The following ALDH4A1 variants were observed in gnomAD, a reference collection of about 807,000 sequenced individuals.
ALDH4A1 encodes delta-1-pyrroline-5-carboxylate dehydrogenase, mitochondrial.
In ALDH4A1, 46 loss-of-function variants were observed where a neutral mutation model predicts 70.5. That is an observed-to-expected ratio of 0.65 (90% confidence interval 0.51 to 0.83). ALDH4A1 has a LOEUF of 0.83. ALDH4A1 is among the 40% of genes least tolerant of loss of function. The pLI is 0.00. For missense variants in ALDH4A1, 749 were observed against 766.5 expected (o/e 0.98, Z 0.27); for synonymous variants, 323 against 324.3 (o/e 1.00, Z 0.04).
chr1:18,885,441 G>A (rs188233802), intron 5 of ALDH4A1, 32 bp downstream of exon 5: 4,740 of 441,940 alleles, frequency 0.011, 13 homozygotes, highest in Non-Finnish European at 0.014. Flanking sequence ...ACCCCACCCC[G>A]CCCCACCCAC....
Position 18,877,604 on chromosome 1 carries a change from C to T in ALDH4A1, c.949G>A (p.Gly317Arg). 1 of 1,609,238 alleles carries T rather than the reference C, an allele frequency of 6.2e-7. No homozygotes were observed. The change falls in exon 10 of 15, where the codon GGA (glycine) becomes AGA (arginine). Residue 317 changes from glycine (G) to arginine (R), a missense_variant. Transcript: ENST00000375341. Reference protein sequence around the residue: ...TFPRLAGECGGKNFHFVHRSA... With the variant: ...TFPRLAGECGRKNFHFVHRSA... ...CGGTGCACGAAGTGGAAGTTCTTTC[C>T]GCCGCACTCTACAGGGGTCGGGGGT...
intron 7 of ALDH4A1, among the ~76,000 whole-genome samples, chr1:18,882,288 G>C (rs1288777997): frequency 6.6e-6 from 1 of 151,936 alleles, no homozygotes; most frequent in East Asian, 1.9e-4. Context: ...GTGGGCGCCT[G>C]GCCATGCACC....
In ALDH4A1 at chr1:18,889,273, A is replaced by AC. The variant is rs1935339376; in HGVS notation, c.249+88_249+89insG. On this transcript the variant is annotated intron_variant, in intron 3 of 14. Transcript: ENST00000375341. ...GGCACTATAAAGGCCTTGAAGTCAG[A>AC]GCCCACACATTATAAGCTTACGAGC... The AC allele has an allele frequency of 3.2e-6, 4 of 1,232,726 alleles. No individual in the cohort carries two copies. The East Asian group carries it at 7.8e-5, about 24-fold the overall frequency. 76.4% of individuals were successfully genotyped at this position (1,232,726 alleles called of 1,614,324 possible).
chr1:18,884,150 T>C (rs1935100086), intron 5 of ALDH4A1, among the ~76,000 whole-genome samples: 1 of 152,210 alleles, frequency 6.6e-6, no homozygotes, highest in Non-Finnish European at 1.5e-5. Flanking sequence ...TTCCTGAGTC[T>C]TAGGCCAAAT....
intron 1 of ALDH4A1, among the ~76,000 whole-genome samples, chr1:18,897,368 C>A (rs1451953651): frequency 1.3e-5 from 2 of 152,156 alleles, no homozygotes; most frequent in Non-Finnish European, 2.9e-5. Context: ...CATGGCAAAA[C>A]CCCATCTCTA....
In ALDH4A1 at chr1:18,872,664, T is replaced by A; in HGVS notation, c.*181A>T. On this transcript the variant is annotated 3_prime_UTR_variant, in exon 15 of 15. Transcript: ENST00000375341. ...GTGGCCATGTTCCTCCCCAGCACGA[T>A]CTCAAACCAGAGCCTGAGGCATGGG... 1 of 591,288 alleles carries A rather than the reference T, an allele frequency of 1.7e-6. No homozygotes were observed. The allele number at this position is 591,288 out of a possible 1,614,324, so 36.6% of individuals were successfully genotyped here. A position where few individuals can be genotyped will look rare whatever the true frequency, so the allele number is the denominator to read the frequency against.
intron 1 of ALDH4A1, among the ~76,000 whole-genome samples, chr1:18,899,512 G>T (rs1275189599): frequency 2.0e-5 from 3 of 152,190 alleles, no homozygotes; most frequent in African/African-American, 7.2e-5. Context: ...AGAGAACTGA[G>T]GATACTGATG....
chr1:18,879,462 G>T, intron 8 of ALDH4A1, 89 bp from the exon 9 acceptor site: 1 of 1,206,038 alleles, frequency 8.3e-7, no homozygotes, highest in Non-Finnish European at 1.2e-6. Context: ...GCCGGGGGCA[G>T]CCCAGCAGGA....
intron 5 of ALDH4A1, among the ~76,000 whole-genome samples, chr1:18,884,816 G>A (rs1052439664): frequency 5.9e-5 from 9 of 152,206 alleles, no homozygotes; most frequent in Non-Finnish European, 1.3e-4. Context: ...CACGGAGGGG[G>A]TGACATCTGG....
rs866710153 is a variant in ALDH4A1 at position 18,875,475 on chromosome 1, T to C, written c.1367A>G (p.Tyr456Cys). ...CTTGTACTTGTCATCCGGGTAGACGTACACAGACAGTACAGGCCCGAAGAT... is the reference window on the plus strand; with the variant it reads ...CTTGTACTTGTCATCCGGGTAGACGCACACAGACAGTACAGGCCCGAAGAT... ...EEIFGPVLSV[Y>C]VYPDDKYKET... The change falls in exon 13 of 15, where the codon TAC becomes TGC. Residue 456 changes from tyrosine (Y) to cysteine (C), a missense_variant. By Grantham distance (194) the Tyr-to-Cys change is radical (BLOSUM62 -2). Transcript: ENST00000375341. 2 of 1,614,032 alleles carry C rather than the reference T, an allele frequency of 1.2e-6. No homozygotes were observed. The highest frequency in any genetic ancestry group is 1.7e-5 in the Admixed American group (1 of 60,022).
intron 5 of ALDH4A1, 39 bp downstream of exon 5, chr1:18,885,431 ACCC>A: frequency 2.1e-6 from 1 of 478,978 alleles, no homozygotes; most frequent in South Asian, 2.3e-5. Context: ...CCTGACTCCC[ACCC>A]CACCCCGCCC....
chr1:18,881,597 C>T (rs113928587), intron 8 of ALDH4A1, 103 bp downstream of exon 8: 23 of 1,297,844 alleles, frequency 1.8e-5, no homozygotes, highest in African/African-American at 1.5e-4. Context: ...GAGTAGAGTC[C>T]GTGCATGACC....
Position 18,877,268 on chromosome 1 carries a change from G to A in ALDH4A1, c.1138-13C>T, listed in dbSNP as rs753784956. The A allele has an allele frequency of 1.9e-6, 3 of 1,601,496 alleles. No homozygotes were observed. The highest frequency in any genetic ancestry group is 2.6e-6 in the Non-Finnish European group (3 of 1,173,536). On this transcript the variant is annotated splice_polypyrimidine_tract_variant and intron_variant, in intron 10 of 14. Transcript: ENST00000375341. ...AATCCTCTGCAGGCTGGAGGCAAGG[G>A]AGGCGCCAGAAGAGACGAGTCACTG...
intron 1 of ALDH4A1, among the ~76,000 whole-genome samples, chr1:18,899,089 G>GAGGT (rs1379752968): frequency 6.6e-6 from 1 of 152,190 alleles, no homozygotes; most frequent in Non-Finnish European, 1.5e-5. Context: ...ACAAAGCACT[G>GAGGT]GATGGGCTCA....
At chr1:18,872,987 G>A (rs1484328806) in intron 14 of ALDH4A1, 30 bp from the exon 15 acceptor site, 5 of 1,578,640 alleles carry the variant, frequency 3.2e-6, no homozygotes, top group Non-Finnish European at 4.3e-6. Context: ...GTTTTTCTCT[G>A]AAAAGATGCA....
At chr1:18,885,427 T>TGCCA in intron 5 of ALDH4A1, 46 bp downstream of exon 5, 1 of 650,922 alleles carries the variant, frequency 1.5e-6, no homozygotes, top group Admixed American at 2.3e-5. Flanking sequence ...CACACCTGAC[T>TGCCA]CCCACCCCAC....
intron 1 of ALDH4A1, among the ~76,000 whole-genome samples, chr1:18,902,136 T>C (rs1935820907): frequency 6.6e-6 from 1 of 151,872 alleles, no homozygotes; most frequent in African/African-American, 2.4e-5. Flanking sequence ...GATCCAGTAT[T>C]AGGAGTGAGG....
At chr1:18,882,480 G>A (rs1340965593) in intron 7 of ALDH4A1, 10 of 493,492 alleles carry the variant, frequency 2.0e-5, no homozygotes. Context: ...ACTTCATCCA[G>A]TAATAGCCAA....
At chr1:18,886,378 C>T in intron 4 of ALDH4A1, 86 bp downstream of exon 4, 1 of 1,491,956 alleles carries the variant, frequency 6.7e-7, no homozygotes, top group South Asian at 1.1e-5. Flanking sequence ...ACTGATGCCC[C>T]CTGCCCCCGC....
Sources: allele counts gnomAD v4.1 joint callset (sites outside exome capture counted in the v4.1 genomes callset), GRCh38; gene constraint gnomAD v4.1.1; transcripts MANE v1.5; gene names NCBI Gene and HGNC (gene_info 2026-07-23, HGNC 2026-07-21).